ARHGAP33: variants seen among roughly 807,000 people sequenced by gnomAD.
The protein encoded by ARHGAP33 is Rho GTPase activating protein 33.
ARHGAP33 carries 57 observed loss-of-function variants against 126.2 expected under a neutral mutation model. The observed-to-expected ratio is 0.45, with a 90% CI of 0.36 to 0.56. ARHGAP33 has a LOEUF of 0.56. Among genes scored for constraint, ARHGAP33 ranks in the 20% least tolerant of loss-of-function variants. The pLI, the probability that ARHGAP33 is intolerant of heterozygous loss-of-function variation, is 0.00. For missense variants in ARHGAP33, 1,500 were observed against 1,748.3 expected, an observed-to-expected ratio of 0.86 and a Z score of 2.53; for synonymous variants, 711 against 755.0, an observed-to-expected ratio of 0.94 and a Z score of 0.95.
rs769682610 is a variant in ARHGAP33 at position 35,787,913 on chromosome 19, T to C, written c.3348T>C (p.Asn1116=). ...PFRSMPPDRL[N]ASYGMLGQSP... ...GCTCCATGCCCCCCGACAGGCTCAA[T>C]GCCTCCTACGGCATGCTTGGCCAAT... Residue 1116 remains asparagine (N), a synonymous_variant, in exon 21 of 21, where the codon AAT becomes AAC. Coordinates refer to ENST00000007510, the MANE Select transcript of ARHGAP33 (RefSeq NM_001366178.1). 1 of 1,562,440 alleles carries C rather than the reference T, an allele frequency of 6.4e-7. No homozygotes were observed. Among genetic ancestry groups the C allele is most frequent in the East Asian group, 2.4e-5 (1 of 41,396 alleles).
In ARHGAP33 at chr19:35,780,416, C is replaced by T. The variant is rs768994987; in HGVS notation, c.625-5C>T. On this transcript the variant is annotated splice_polypyrimidine_tract_variant and splice_region_variant and intron_variant, in intron 7 of 20. Coordinates refer to ENST00000007510, the MANE Select transcript of ARHGAP33 (RefSeq NM_001366178.1). ...ACCCTTCTCTTCCCACCCGCCCTCT[C>T]CCAGGTGGGAGACATTGTCTCGGTG... 30 of 1,597,568 alleles carry T rather than the reference C, an allele frequency of 1.9e-5. No homozygotes were observed. Among genetic ancestry groups the T allele is most frequent in the South Asian group, 5.6e-5 (5 of 89,484 alleles).
rs1369625810 is a variant in ARHGAP33 at position 35,775,617 on chromosome 19, G to A, written c.-42G>A. 3.3e-6 allele frequency: 5 copies of A among 1,505,982 alleles called. No homozygotes were observed. The highest frequency in any genetic ancestry group is 4.4e-6 in the Non-Finnish European group (5 of 1,132,276). 93.3% of individuals were successfully genotyped at this position (1,505,982 alleles called of 1,614,324 possible). A position where few individuals can be genotyped will look rare whatever the true frequency, so the allele number is the denominator to read the frequency against. ...GGCAGCGGCGACGAGAACGGCGAGC[G>A]AGGGGTCGAGCGCGGCCGGGGCCTG... On this transcript the variant is annotated 5_prime_UTR_variant, in exon 1 of 21. Transcript: ENST00000007510.
rs761229107 is a variant in ARHGAP33 at position 35,787,924 on chromosome 19, G to A, written c.3359G>A (p.Gly1120Asp). 78 of 1,591,436 alleles carry A rather than the reference G, an allele frequency of 4.9e-5. No individual in the cohort carries two copies. Among genetic ancestry groups the A allele is most frequent in the Non-Finnish European group, 6.5e-5 (76 of 1,172,644 alleles). Residue 1120 changes from glycine (G) to aspartate (D), a missense_variant, in exon 21 of 21, where the codon GGC becomes GAC. Physicochemically the swap from Gly to Asp is moderately conservative, Grantham distance 94 (BLOSUM62 -1). This residue lies in a region of ARHGAP33 where 642 missense variants were observed against 634.0 expected (regional missense o/e 1.01). Coordinates refer to ENST00000007510, the MANE Select transcript of ARHGAP33 (RefSeq NM_001366178.1). ...CCCGACAGGCTCAATGCCTCCTACGGCATGCTTGGCCAATCACCCCCACTC... is the reference window on the plus strand; with the variant it reads ...CCCGACAGGCTCAATGCCTCCTACGACATGCTTGGCCAATCACCCCCACTC... ...MPPDRLNASYGMLGQSPPLHR... is the reference protein window; with the variant it reads ...MPPDRLNASYDMLGQSPPLHR...
intron 1 of ARHGAP33, among the ~76,000 whole-genome samples, chr19:35,775,914 G>T (rs1352150060): frequency 6.6e-6 from 1 of 151,850 alleles, no homozygotes; most frequent in Non-Finnish European, 1.5e-5. Context: ...GGGAGGAGGC[G>T]GGGCTAGTCC....
At position 35,787,316 on chromosome 19, in the gene ARHGAP33, G is replaced by A. The variant is rs1219115191; in HGVS notation, c.2751G>A (p.Gln917=). The A allele has an allele frequency of 1.2e-6, 2 of 1,612,602 alleles. No homozygotes were observed. The highest frequency in any genetic ancestry group is 2.2e-5 in the East Asian group (1 of 44,842). Residue 917 remains glutamine, a synonymous_variant, in exon 21 of 21, where the codon CAG becomes CAA. Transcript: ENST00000007510. ...RAQQVAEQQS[Q]QECGGTPPAS... is the part of the protein sequence containing the mutation. ...AGCAGGTGGCCGAGCAACAGAGCCA[G>A]CAGGAGTGTGGGGGCACCCCACCTG...
chr19:35,785,343 C>T lies in ARHGAP33; in HGVS notation c.1867+9C>T, dbSNP rs1268650916. On this transcript the variant is annotated intron_variant, in intron 18 of 20. Transcript: ENST00000007510. ...CCCACCGCAGCCTTCAGGTGAGAGG[C>T]TGAGCCATGGGCTGGTGGGCAGCGA... is the stretch of plus-strand genomic sequence containing the variant. 1.2e-6 allele frequency: 2 copies of T among 1,613,612 alleles called. No homozygotes were observed. The highest frequency in any genetic ancestry group is 2.2e-5 in the East Asian group (1 of 44,846).
In ARHGAP33 at chr19:35,786,886, G is replaced by A. The variant is rs763389969; in HGVS notation, c.2416G>A (p.Ala806Thr). The change falls in exon 20 of 21, where the codon GCT (alanine) becomes ACT (threonine). Residue 806 changes from alanine (A) to threonine (T), a missense_variant. Ala to Thr is a moderately conservative substitution (Grantham distance 58). This residue lies in a region of ARHGAP33 where 73 missense variants were observed against 110.8 expected (regional missense o/e 0.66). Coordinates refer to ENST00000007510, the MANE Select transcript of ARHGAP33 (RefSeq NM_001366178.1). The surrounding 1 kb of genome is among the most constrained non-coding windows in gnomAD (Gnocchi z 7.0). ...GCCCCTGGCTGTATCAGTGCCACCC[G>A]CTGTCCTAGAACTGCTGGGGGCTGG... ...SEPLAVSVPPAVLELLGAGGA... is the reference protein window; with the variant it reads ...SEPLAVSVPPTVLELLGAGGA... 6.2e-6 allele frequency: 10 copies of A among 1,607,624 alleles called. No homozygotes were observed. The highest frequency in any genetic ancestry group is 8.5e-6 in the Non-Finnish European group (10 of 1,178,856).
chr19:35,777,415 C>T (rs528598273), intron 1 of ARHGAP33, among the ~76,000 whole-genome samples: 1 of 152,176 alleles, frequency 6.6e-6, no homozygotes, highest in East Asian at 1.9e-4. Flanking sequence ...CATCCTGTTG[C>T]CCCGCCTCAC....
At chr19:35,778,664 A>C in intron 5 of ARHGAP33, 63 bp downstream of exon 5, 8 of 1,560,684 alleles carry the variant, frequency 5.1e-6, no homozygotes, top group Non-Finnish European at 6.1e-6. Flanking sequence ...GTGTGAAATC[A>C]TCAAGGCAGC....
At position 35,782,764 on chromosome 19, in the gene ARHGAP33, C is replaced by T. The variant is rs1568427356; in HGVS notation, c.1316C>T (p.Thr439Ile). 6.2e-7 allele frequency: 1 copy of T among 1,613,050 alleles called. No homozygotes were observed. The highest frequency in any genetic ancestry group is 1.3e-5 in the African/African-American group (1 of 75,020). The change falls in exon 15 of 21, where the codon ACC becomes ATC. Residue 439 changes from threonine to isoleucine, a missense_variant and splice_region_variant. Around this residue, in one of 6 missense-constraint regions of ARHGAP33, gnomAD observed 281 missense variants for 413.7 expected, o/e 0.68. Transcript: ENST00000007510. The surrounding 1 kb of genome is among the most constrained non-coding windows in gnomAD (Gnocchi z 4.1). ...IQQLPPPHYR[T>I]LEYLLRHLAR... ...GCCCCCTCTGCTCCCACCCCCAGGA[C>T]CCTGGAGTACCTGCTGAGGCACCTG...
rs745515932 is a variant in ARHGAP33 at position 35,777,891 on chromosome 19, G to A, written c.172G>A (p.Asp58Asn). 2.5e-6 allele frequency: 4 copies of A among 1,614,192 alleles called. No homozygotes were observed. The highest frequency in any genetic ancestry group is 1.7e-6 in the Non-Finnish European group (2 of 1,180,026). The change falls in exon 3 of 21, where the codon GAC (aspartate) becomes AAC (asparagine). Residue 58 changes from aspartate (D) to asparagine (N), a missense_variant. Asp to Asn is a conservative substitution (Grantham distance 23). Coordinates refer to ENST00000007510, the MANE Select transcript of ARHGAP33 (RefSeq NM_001366178.1). Reference protein sequence around the residue: ...DCAHFHYENVDFGHIQLLLSP... With the variant: ...DCAHFHYENVNFGHIQLLLSP... ...CGCCCATTTCCACTACGAGAACGTT[G>A]ACTTTGGCCACATTCAGGTATGGGG...
rs1405464813 is a variant in ARHGAP33 at position 35,788,418 on chromosome 19, A to G, written c.3853A>G (p.Ser1285Gly). 1.3e-6 allele frequency: 2 copies of G among 1,567,318 alleles called. No individual in the cohort carries two copies. The highest frequency in any genetic ancestry group is 1.7e-6 in the Non-Finnish European group (2 of 1,156,620). The change falls in exon 21 of 21, where the codon AGC becomes GGC. Residue 1285 changes from serine (S) to glycine (G), a missense_variant. By Grantham distance (56) the Ser-to-Gly change is moderately conservative. Transcript: ENST00000007510. ...CCTCCACTCTGAGGGCCAGACCCGA[A>G]GCTACTGCTGAGCACCAGCTGGGAG... Reference protein sequence around the residue: ...WSLHSEGQTRSYC With the variant: ...WSLHSEGQTRGYC
chr19:35,785,476 C>T lies in ARHGAP33; in HGVS notation c.1935C>T (p.Ser645=), dbSNP rs1475227331. The part of the protein sequence containing the change: ...KSEESLSSQA[S]GAGLQRLHRL... ...AGGAGTCTCTGTCATCGCAGGCCAG[C>T]GGGGCTGGTGAGCAAGGCGGGCAAT... is the stretch of plus-strand genomic sequence containing the variant. The change falls in exon 19 of 21, where the codon AGC becomes AGT. Residue 645 remains serine, a synonymous_variant. Coordinates refer to ENST00000007510, the MANE Select transcript of ARHGAP33 (RefSeq NM_001366178.1). 5.0e-6 allele frequency: 8 copies of T among 1,614,042 alleles called. No individual in the cohort carries two copies. Among genetic ancestry groups the T allele is most frequent in the South Asian group, 1.1e-5 (1 of 91,090 alleles).
intron 12 of ARHGAP33, 146 bp downstream of exon 12, chr19:35,781,398 T>C (rs567435594): frequency 8.9e-6 from 7 of 786,514 alleles, no homozygotes; most frequent in African/African-American, 1.7e-5. Context: ...CTCTTGAGAG[T>C]AGAGTTAGCA....
In ARHGAP33 at chr19:35,785,262, C is replaced by T. The variant is rs756596582; in HGVS notation, c.1795C>T (p.Arg599Trp). The part of the protein sequence containing the change: ...SSWKTFFALG[R>W]GPSVPRKKPL... ...CTGGAAGACGTTCTTTGCACTGGGC[C>T]GGGGCCCCAGTGTCCCTCGAAAGAA... is the stretch of plus-strand genomic sequence containing the variant. The change falls in exon 18 of 21, where the codon CGG (arginine) becomes TGG (tryptophan). Residue 599 changes from arginine to tryptophan, a missense_variant. By Grantham distance (101) the Arg-to-Trp change is moderately radical. This residue lies in a region of ARHGAP33 where 300 missense variants were observed against 291.1 expected (regional missense o/e 1.03). Coordinates refer to ENST00000007510, the MANE Select transcript of ARHGAP33 (RefSeq NM_001366178.1). 5.6e-6 allele frequency: 9 copies of T among 1,596,218 alleles called. No homozygotes were observed. Among genetic ancestry groups the T allele is most frequent in the Non-Finnish European group, 6.8e-6 (8 of 1,170,852 alleles).
At chr19:35,780,702 C>G (rs1203908836) in intron 9 of ARHGAP33, 54 bp downstream of exon 9, 19 of 1,611,754 alleles carry the variant, frequency 1.2e-5, no homozygotes, top group Admixed American at 8.3e-5. Flanking sequence ...GGGGTGGGGC[C>G]TCCTGCGTCT....
At chr19:35,784,560 TG>T in intron 16 of ARHGAP33, 1 of 1,309,058 alleles carries the variant, frequency 7.6e-7, no homozygotes. Flanking sequence ...TTGTAGCTCC[TG>T]GGGGCGCTTG....
chr19:35,782,517 T>C lies in ARHGAP33; in HGVS notation c.1230T>C (p.Ser410=). ...LLTYQLYGKF[S]EAMSVPGEEE... ...CCTACCAGCTCTATGGGAAGTTCAG[T>C]GTGAGTAAGGGAGCTGGCGGGACGG... Residue 410 remains serine (S), a splice_region_variant and synonymous_variant, in exon 13 of 21, where the codon AGT becomes AGC. Transcript: ENST00000007510. This position sits in a 1 kb window ranked among gnomAD's most constrained non-coding sequence, Gnocchi z 4.1. 4 of 1,613,108 alleles carry C rather than the reference T, an allele frequency of 2.5e-6. No individual in the cohort carries two copies. The highest frequency in any genetic ancestry group is 1.1e-5 in the South Asian group (1 of 91,040).
chr19:35,776,312 C>G (rs1971458225), intron 1 of ARHGAP33, among the ~76,000 whole-genome samples: 1 of 151,976 alleles, frequency 6.6e-6, no homozygotes, highest in African/African-American at 2.4e-5. Flanking sequence ...ATCCCCCTCC[C>G]CCACCATTTC....
Sources: allele counts gnomAD v4.1 joint callset (sites outside exome capture counted in the v4.1 genomes callset), GRCh38; gene constraint gnomAD v4.1.1; regional missense constraint gnomAD v4.1.1; non-coding constraint Gnocchi (gnomAD v3.1); transcripts MANE v1.5; gene names NCBI Gene and HGNC (gene_info 2026-07-23, HGNC 2026-07-21).